Variants in TMEM263 observed in about 807,000 individuals in gnomAD.
TMEM263 encodes transmembrane protein 263.
A neutral mutation model predicts 8.6 loss-of-function variants in TMEM263; 5 were observed. The observed-to-expected ratio is 0.58, with a 90% CI of 0.31 to 1.23. The LOEUF is 1.23. Ranked by LOEUF, TMEM263 falls within the 50% of genes most tolerant of loss-of-function variation. The pLI is 0.07. For missense variants in TMEM263, 104 were observed against 138.8 expected (o/e 0.75, Z 1.26); for synonymous variants, 50 against 47.9 (o/e 1.04, Z -0.18).
chr12:106,971,583 T>G lies in TMEM263; in HGVS notation c.*192T>G. 1 of 493,542 alleles carries G rather than the reference T, an allele frequency of 2.0e-6. No individual in the cohort carries two copies. Among genetic ancestry groups the G allele is most frequent in the Non-Finnish European group, 3.4e-6 (1 of 294,174 alleles). 30.6% of individuals were successfully genotyped at this position (493,542 alleles called of 1,614,324 possible). A position where few individuals can be genotyped will look rare whatever the true frequency, so the allele number is the denominator to read the frequency against. On this transcript the variant is annotated 3_prime_UTR_variant, in exon 4 of 4. Coordinates refer to ENST00000280756, the MANE Select transcript of TMEM263 (RefSeq NM_152261.4). ...CACAGTATATGAAGGTTTCTCATACTTAAGTTCCAGGTTTTTATCTGGTAA... is the reference window on the plus strand; with the variant it reads ...CACAGTATATGAAGGTTTCTCATACGTAAGTTCCAGGTTTTTATCTGGTAA...
Position 106,971,154 on chromosome 12 carries a change from G to A in TMEM263, c.114G>A (p.Val38=). Reference sequence around the variant, plus strand: ...AGCAGCCAGGCATGTTGTCCCGTGTGACTGGGGGTATCTTCAGTGTTACAA... The same window carrying A: ...AGCAGCCAGGCATGTTGTCCCGTGTAACTGGGGGTATCTTCAGTGTTACAA... ...PQQQPGMLSR[V]TGGIFSVTKG... Residue 38 remains valine (V), a synonymous_variant, in exon 4 of 4, where the codon GTG becomes GTA. Transcript: ENST00000280756. 1.2e-6 allele frequency: 2 copies of A among 1,614,236 alleles called. No individual in the cohort carries two copies. Among genetic ancestry groups the A allele is most frequent in the Non-Finnish European group, 1.7e-6 (2 of 1,180,038 alleles).
intron 2 of TMEM263, among the ~76,000 whole-genome samples, chr12:106,963,372 TG>T (rs1951803555): frequency 6.6e-6 from 1 of 152,114 alleles, no homozygotes; most frequent in South Asian, 2.1e-4. Context: ...TGGCTTAAAG[TG>T]GTAACAGTAG....
Position 106,963,137 on chromosome 12 carries a change from T to C in TMEM263, c.-6-3974T>C, listed in dbSNP as rs949482431. On this transcript the variant is annotated intron_variant, in intron 2 of 3. Coordinates refer to ENST00000280756, the MANE Select transcript of TMEM263 (RefSeq NM_152261.4). ...AGGAAAGGATAAACAAGGAACTCTG[T>C]GTTACTAGACTGGAATGAACAAGAG... Among the ~76,000 whole-genome samples the C allele has an allele frequency of 3.2e-4, 49 of 152,332 alleles. 1 individual carries two copies. Among genetic ancestry groups the C allele is most frequent in the Middle Eastern group, 6.8e-3 (2 of 294 alleles).
At chr12:106,966,888 A>G in intron 2 of TMEM263, 1 of 432,208 alleles carries the variant, frequency 2.3e-6, no homozygotes, top group South Asian at 3.2e-5. Context: ...CTCTTTGGTG[A>G]GTGTTTCACA....
At position 106,971,298 on chromosome 12, in the gene TMEM263, T is replaced by C. The variant is rs751776770; in HGVS notation, c.258T>C (p.Gly86=). Reference sequence around the variant, plus strand: ...TGGGAATAGGGCTGGTGAAAGGGGGTGTCTCTGCTGTGGCTGGAGGTGTTA... The same window carrying C: ...TGGGAATAGGGCTGGTGAAAGGGGGCGTCTCTGCTGTGGCTGGAGGTGTTA... ...PSMGIGLVKG[G]VSAVAGGVTA... is the part of the protein sequence containing the mutation. The change falls in exon 4 of 4, where the codon GGT becomes GGC. Residue 86 remains glycine, a synonymous_variant. Transcript: ENST00000280756. 9 of 1,613,892 alleles carry C rather than the reference T, an allele frequency of 5.6e-6. No individual in the cohort carries two copies. The Admixed American group carries it at 1.0e-4, about 18-fold the overall frequency.
intron 3 of TMEM263, among the ~76,000 whole-genome samples, chr12:106,968,581 G>A (rs777452843): frequency 5.3e-5 from 8 of 152,046 alleles, no homozygotes; most frequent in Non-Finnish European, 1.2e-4. Flanking sequence ...GCCATCCAGG[G>A]GCATGATTGT....
At chr12:106,956,562 A>G (rs1246329199) in intron 1 of TMEM263, among the ~76,000 whole-genome samples, 4 of 152,142 alleles carry the variant, frequency 2.6e-5, no homozygotes, top group African/African-American at 9.7e-5. Context: ...TCCACGCCTA[A>G]CCTAAAGTAA....
chr12:106,966,346 T>TATGCA (rs1268684649), intron 2 of TMEM263, among the ~76,000 whole-genome samples: 1 of 152,254 alleles, frequency 6.6e-6, no homozygotes, highest in Non-Finnish European at 1.5e-5. Flanking sequence ...TACATAGTGT[T>TATGCA]CCATGATGTA....
chr12:106,964,303 T>G (rs1951816763), intron 2 of TMEM263, among the ~76,000 whole-genome samples: 1 of 152,244 alleles, frequency 6.6e-6, no homozygotes, highest in South Asian at 2.1e-4. Context: ...CAGCAAGTAT[T>G]TAATGAAGTT....
chr12:106,967,325 C>T, intron 3 of TMEM263, 145 bp downstream of exon 3: 1 of 521,402 alleles, frequency 1.9e-6, no homozygotes, highest in Admixed American at 4.1e-5. Flanking sequence ...ATGGCACGAT[C>T]TTGGCCCACT....
chr12:106,961,971 C>T (rs1262943442), intron 2 of TMEM263, among the ~76,000 whole-genome samples: 1 of 152,136 alleles, frequency 6.6e-6, no homozygotes, highest in Non-Finnish European at 1.5e-5. Context: ...AGATGAACTA[C>T]ATAATCTTTA....
intron 3 of TMEM263, among the ~76,000 whole-genome samples, chr12:106,969,508 C>T (rs1051250757): frequency 1.6e-4 from 25 of 151,986 alleles, no homozygotes; most frequent in Admixed American, 1.3e-3. Flanking sequence ...GGGTTGATCA[C>T]GAGGTCAGGA....
chr12:106,971,593 G>T lies in TMEM263; in HGVS notation c.*202G>T. 6.4e-6 allele frequency: 3 copies of T among 466,714 alleles called. No individual in the cohort carries two copies. The highest frequency in any genetic ancestry group is 1.2e-4 in the South Asian group (2 of 16,572). 28.9% of individuals were successfully genotyped at this position (466,714 alleles called of 1,614,324 possible). A position where few individuals can be genotyped will look rare whatever the true frequency, so the allele number is the denominator to read the frequency against. On this transcript the variant is annotated 3_prime_UTR_variant, in exon 4 of 4. Coordinates refer to ENST00000280756, the MANE Select transcript of TMEM263 (RefSeq NM_152261.4). Reference sequence around the variant, plus strand: ...GAAGGTTTCTCATACTTAAGTTCCAGGTTTTTATCTGGTAAAATGTTACAC... The same window carrying T: ...GAAGGTTTCTCATACTTAAGTTCCATGTTTTTATCTGGTAAAATGTTACAC...
At chr12:106,966,181 T>A (rs545051012) in intron 2 of TMEM263, among the ~76,000 whole-genome samples, 25 of 152,324 alleles carry the variant, frequency 1.6e-4, no homozygotes, top group Admixed American at 5.9e-4. Flanking sequence ...CTTGTTACCT[T>A]CTTTGTGTCC....
At chr12:106,962,785 T>C (rs1053023870) in intron 2 of TMEM263, among the ~76,000 whole-genome samples, 1 of 152,240 alleles carries the variant, frequency 6.6e-6, no homozygotes, top group African/African-American at 2.4e-5. Flanking sequence ...GTGTTCATCA[T>C]CTCTGTCTTA....
intron 2 of TMEM263, 44 bp from the exon 3 acceptor site, chr12:106,967,067 A>G: frequency 1.6e-6 from 2 of 1,284,222 alleles, no homozygotes; most frequent in Non-Finnish European, 2.2e-6. Context: ...GTAGTCTCAC[A>G]TGTTGAGGTT....
chr12:106,958,740 T>TG (rs1256684419), intron 2 of TMEM263, among the ~76,000 whole-genome samples: 1 of 152,222 alleles, frequency 6.6e-6, no homozygotes, highest in Admixed American at 6.5e-5. Flanking sequence ...CTAAAGCTAT[T>TG]GTCTGTCATT....
In TMEM263 at chr12:106,971,466, C is replaced by G; in HGVS notation, c.*75C>G. On this transcript the variant is annotated 3_prime_UTR_variant, in exon 4 of 4. Transcript: ENST00000280756. ...GAATTGCTAAATTATGGACTACAAC[C>G]AAGTCAACTGTTTTGGACGTTTATC... 7.0e-7 allele frequency: 1 copy of G among 1,425,642 alleles called. No individual in the cohort carries two copies. The highest frequency in any genetic ancestry group is 9.4e-7 in the Non-Finnish European group (1 of 1,058,404). The allele number at this position is 1,425,642 out of a possible 1,614,324, so 88.3% of individuals were successfully genotyped here.
chr12:106,968,952 C>T (rs1228527994), intron 3 of TMEM263, among the ~76,000 whole-genome samples: 1 of 152,034 alleles, frequency 6.6e-6, no homozygotes, highest in Non-Finnish European at 1.5e-5. Flanking sequence ...AAATGCCCAT[C>T]TATATATTAA....
Sources: gnomAD v4.1 joint callset for allele counts (sites outside exome capture counted in the v4.1 genomes callset) on GRCh38, gnomAD v4.1.1 for gene constraint, MANE v1.5 for transcripts, NCBI Gene and HGNC (gene_info 2026-07-23, HGNC 2026-07-21) for gene names.